KDM4C: variants seen among roughly 807,000 people sequenced by gnomAD.
KDM4C encodes lysine demethylase 4C, also known as lysine-specific demethylase 4C.
A neutral mutation model predicts 129.3 loss-of-function variants in KDM4C; 81 were observed. The ratio of observed to expected loss-of-function variants is 0.63; its 90% confidence interval spans 0.52 to 0.75. The LOEUF is 0.75. KDM4C is among the 30% of genes least tolerant of loss of function. The probability of loss-of-function intolerance (pLI) is 0.00; values close to 1 mark genes in which losing one functional copy is unlikely to be tolerated. For missense variants in KDM4C, 1,457 were observed against 1,304.0 expected (o/e 1.12, Z -1.81); for synonymous variants, 573 against 456.1 (o/e 1.26, Z -3.26).
chr9:7,132,030 C>T (rs946852722), intron 19 of KDM4C, among the ~76,000 whole-genome samples: 1 of 152,174 alleles, frequency 6.6e-6, no homozygotes, highest in South Asian at 2.1e-4. Flanking sequence ...TGTAGTGTGA[C>T]CCCAATGTTA....
chr9:7,146,235 A>G (rs1227134244), intron 19 of KDM4C, among the ~76,000 whole-genome samples: 1 of 152,258 alleles, frequency 6.6e-6, no homozygotes, highest in East Asian at 1.9e-4. Context: ...TCAAAATGTT[A>G]CTGATTATCT....
At chr9:6,994,858 AT>A (rs1819407434) in intron 12 of KDM4C, among the ~76,000 whole-genome samples, 1 of 152,212 alleles carries the variant, frequency 6.6e-6, no homozygotes, top group Admixed American at 6.5e-5. Context: ...AGAATTGAAA[AT>A]CTCTCTACCA....
intron 1 of KDM4C, among the ~76,000 whole-genome samples, chr9:6,787,372 A>C (rs1250386951): frequency 2.0e-5 from 3 of 152,220 alleles, no homozygotes. Context: ...AGCTCGGATC[A>C]CAGGCACGCA....
At chr9:7,139,805 G>C (rs2129836298) in intron 19 of KDM4C, among the ~76,000 whole-genome samples, 1 of 152,298 alleles carries the variant, frequency 6.6e-6, no homozygotes, top group South Asian at 2.1e-4. Flanking sequence ...GTAGTTGTCT[G>C]TATGAGTCTG....
chr9:7,089,028 A>G (rs1835478218), intron 17 of KDM4C, among the ~76,000 whole-genome samples: 1 of 152,190 alleles, frequency 6.6e-6, no homozygotes. Context: ...GAAAATTTTC[A>G]AGAATTGATG....
rs200905830 is a variant in KDM4C, at chr9:7,013,930, A to G, written c.2111A>G (p.Asn704Ser). Residue 704 changes from asparagine (N) to serine (S), a missense_variant, in exon 14 of 22, where the codon AAT becomes AGT. Asn to Ser is a conservative substitution (Grantham distance 46). Transcript: ENST00000381309. Reference protein sequence around the residue: ...SEENIEYSPPNAFLEEDGTSL... With the variant: ...SEENIEYSPPSAFLEEDGTSL... ...GAAAATATAGAATATTCTCCACCCAATGCCTTCCTTGAAGAGGATGGAACA... is the reference window on the plus strand; with the variant it reads ...GAAAATATAGAATATTCTCCACCCAGTGCCTTCCTTGAAGAGGATGGAACA... The G allele has an allele frequency of 1.2e-5, 20 of 1,613,908 alleles. No homozygotes were observed. The highest frequency in any genetic ancestry group is 8.9e-5 in the East Asian group (4 of 44,882).
intron 2 of KDM4C, among the ~76,000 whole-genome samples, chr9:6,796,751 C>T (rs1827830885): frequency 6.6e-6 from 1 of 152,196 alleles, no homozygotes; most frequent in Non-Finnish European, 1.5e-5. Flanking sequence ...TCCTATTACT[C>T]ATTATTAGGA....
At chr9:6,874,831 T>A (rs2130708594) in intron 5 of KDM4C, among the ~76,000 whole-genome samples, 1 of 152,022 alleles carries the variant, frequency 6.6e-6, no homozygotes, top group East Asian at 1.9e-4. Context: ...TGTGGTGGCC[T>A]GTAATCCCAG....
At chr9:6,771,757 C>A (rs908815506) in intron 1 of KDM4C, among the ~76,000 whole-genome samples, 1 of 152,204 alleles carries the variant, frequency 6.6e-6, no homozygotes, top group Admixed American at 6.5e-5. Context: ...AGCGCTGGTC[C>A]AGGCCACAGC....
rs529525300 is a variant in KDM4C at position 7,161,406 on chromosome 9, T to C, written c.2782-3832T>C. Reference sequence around the variant, plus strand: ...TGGAAATGCAGAGATCACCCGTCTTTTGCATCAATCACGCTGAGAGCTGCA... The same window carrying C: ...TGGAAATGCAGAGATCACCCGTCTTCTGCATCAATCACGCTGAGAGCTGCA... On this transcript the variant is annotated intron_variant, in intron 19 of 21. Coordinates refer to ENST00000381309, the MANE Select transcript of KDM4C (RefSeq NM_015061.6). 2.6e-5 allele frequency among the ~76,000 whole-genome samples: 4 copies of C among 152,308 alleles called. No homozygotes were observed. In the South Asian group the frequency reaches 8.3e-4, roughly 32 times the overall value.
At chr9:7,117,920 T>C (rs568025768) in intron 18 of KDM4C, among the ~76,000 whole-genome samples, 7 of 152,274 alleles carry the variant, frequency 4.6e-5, no homozygotes, top group Admixed American at 1.3e-4. Context: ...TGAACTCTCA[T>C]CTCTGTTCTT....
At chr9:6,791,741 G>A (rs760987077) in intron 1 of KDM4C, among the ~76,000 whole-genome samples, 1 of 152,130 alleles carries the variant, frequency 6.6e-6, no homozygotes, top group Admixed American at 6.6e-5. Context: ...TCATTTTTAC[G>A]GCCAGACACA....
chr9:6,856,674 G>A (rs1442641941), intron 5 of KDM4C, among the ~76,000 whole-genome samples: 3 of 151,408 alleles, frequency 2.0e-5, no homozygotes, highest in Admixed American at 6.6e-5. Context: ...CTGGGCTCAA[G>A]TGATCCTCCC....
chr9:7,011,745 T>G lies in KDM4C; in HGVS notation c.1834T>G (p.Ser612Ala). 1 of 1,614,006 alleles carries G rather than the reference T, an allele frequency of 6.2e-7. No individual in the cohort carries two copies. Among genetic ancestry groups the G allele is most frequent in the Non-Finnish European group, 8.5e-7 (1 of 1,179,978 alleles). The change falls in exon 13 of 22, where the codon TCT (serine) becomes GCT (alanine). Residue 612 changes from serine (S) to alanine (A), a missense_variant. Physicochemically the swap from Ser to Ala is moderately conservative, Grantham distance 99. Coordinates refer to ENST00000381309, the MANE Select transcript of KDM4C (RefSeq NM_015061.6). ...SIEEEVEETE[S>A]WAKPLIHLWQ... ...TGAGGAGGAAGTGGAAGAAACAGAG[T>G]CTTGGGCGAAACCTCTCATCCACCT...
At chr9:6,903,877 A>C (rs533808055) in intron 8 of KDM4C, among the ~76,000 whole-genome samples, 1 of 152,196 alleles carries the variant, frequency 6.6e-6, no homozygotes, top group African/African-American at 2.4e-5. Context: ...CTTTTCGAAA[A>C]TCTACACAAT....
chr9:7,057,614 A>G (rs963163688), intron 17 of KDM4C, among the ~76,000 whole-genome samples: 2 of 151,146 alleles, frequency 1.3e-5, no homozygotes, highest in Non-Finnish European at 2.9e-5. Context: ...ATTAGCTGTT[A>G]TTCTCTTAAG....
chr9:6,852,784 A>T (rs888159457), intron 5 of KDM4C, among the ~76,000 whole-genome samples: 15 of 152,102 alleles, frequency 9.9e-5, no homozygotes, highest in Admixed American at 3.3e-4. Flanking sequence ...TATTGCAAAG[A>T]CTGCCTACGA....
At chr9:6,910,188 T>C (rs975664990) in intron 8 of KDM4C, among the ~76,000 whole-genome samples, 23 of 152,206 alleles carry the variant, frequency 1.5e-4, no homozygotes, top group South Asian at 4.1e-4. Flanking sequence ...TGAGTTACTC[T>C]TTTTTGCCAT....
chr9:6,995,183 A>G, intron 12 of KDM4C, among the ~76,000 whole-genome samples: 1 of 149,362 alleles, frequency 6.7e-6, no homozygotes, highest in African/African-American at 2.5e-5. Flanking sequence ...GTGTTGTGTG[A>G]GGAAGAAAAG....
Sources: gnomAD v4.1 joint callset for allele counts (sites outside exome capture counted in the v4.1 genomes callset) on GRCh38, gnomAD v4.1.1 for gene constraint, MANE v1.5 for transcripts, NCBI Gene and HGNC (gene_info 2026-07-23, HGNC 2026-07-21) for gene names.